The following WDFY2 variants were observed in gnomAD, a reference collection of about 807,000 sequenced individuals.
WDFY2 encodes the protein WD repeat and FYVE domain containing 2, also known as WD repeat and FYVE domain-containing protein 2.
In WDFY2, 36 loss-of-function variants were observed where a neutral mutation model predicts 56.4. The ratio of observed to expected loss-of-function variants is 0.64; its 90% CI spans 0.49 to 0.84. The LOEUF (loss-of-function observed/expected upper bound fraction) is 0.84. WDFY2 is among the 40% of genes least tolerant of loss of function. WDFY2 has a pLI of 0.00. For synonymous variants in WDFY2, 176 were observed against 183.7 expected (o/e 0.96, Z 0.34); for missense variants, 444 against 512.2 (o/e 0.87, Z 1.29).
chr13:51,593,720 A>G (rs1308333826), intron 1 of WDFY2, among the ~76,000 whole-genome samples: 1 of 151,704 alleles, frequency 6.6e-6, no homozygotes. Flanking sequence ...TCCTTTGTCC[A>G]TTTCTCCATT....
intron 6 of WDFY2, among the ~76,000 whole-genome samples, chr13:51,736,466 G>C (rs1185731210): frequency 1.3e-5 from 2 of 152,142 alleles, no homozygotes; most frequent in Admixed American, 6.6e-5. Flanking sequence ...AGAAGGCAGA[G>C]AGCTGGCTCC....
At position 51,610,421 on chromosome 13, in the gene WDFY2, T is replaced by G. The variant is rs192721727; in HGVS notation, c.137+25597T>G. On this transcript the variant is annotated intron_variant, in intron 1 of 11. Transcript: ENST00000298125. ...AATTTCCTTTATTGTATGAATTTGT[T>G]GTATGAATTTTTTTGTATGAAATTA... 3.8e-3 allele frequency among the ~76,000 whole-genome samples: 572 copies of G among 152,302 alleles called. 2 individuals carry two copies. Among genetic ancestry groups the G allele is most frequent in the Non-Finnish European group, 6.0e-3 (411 of 68,020 alleles).
intron 1 of WDFY2, among the ~76,000 whole-genome samples, chr13:51,613,791 C>T (rs866173681): frequency 6.6e-6 from 1 of 152,084 alleles, no homozygotes; most frequent in African/African-American, 2.4e-5. Context: ...GCACAGGTGA[C>T]ACCATATGTT....
chr13:51,747,375 A>G (rs1264808835), intron 7 of WDFY2, among the ~76,000 whole-genome samples: 2 of 152,250 alleles, frequency 1.3e-5, no homozygotes, highest in Non-Finnish European at 2.9e-5. Context: ...CAGTCTTCCA[A>G]TAAAACATGT....
rs181137009 is a variant in WDFY2 at position 51,745,286 on chromosome 13, G to T, written c.726-6024G>T. 4.9e-3 allele frequency among the ~76,000 whole-genome samples: 747 copies of T among 152,222 alleles called. 4 individuals are homozygous for T. Among genetic ancestry groups the T allele is most frequent in the African/African-American group, 0.014 (586 of 41,514 alleles). ...AAACCCAATTGGCTTTTAAAAAAAT[G>T]AATACATGTCAAAGATTTTATATTA... is the stretch of plus-strand genomic sequence containing the variant. On this transcript the variant is annotated intron_variant, in intron 7 of 11. Coordinates refer to ENST00000298125, the MANE Select transcript of WDFY2 (RefSeq NM_052950.4).
chr13:51,754,386 G>A (rs1353439568), intron 8 of WDFY2, among the ~76,000 whole-genome samples: 2 of 152,070 alleles, frequency 1.3e-5, no homozygotes, highest in East Asian at 1.9e-4. Flanking sequence ...CCAAGAGTGG[G>A]ATCAATTGAA....
At chr13:51,635,735 T>C (rs1219192053) in intron 1 of WDFY2, among the ~76,000 whole-genome samples, 1 of 152,184 alleles carries the variant, frequency 6.6e-6, no homozygotes, top group Non-Finnish European at 1.5e-5. Context: ...GAAAACAGGA[T>C]CTCTCTTACT....
rs527457141 is a variant in WDFY2 at position 51,609,272 on chromosome 13, G to T, written c.137+24448G>T. 2.0e-5 allele frequency among the ~76,000 whole-genome samples: 3 copies of T among 152,272 alleles called. No individual in the cohort carries two copies. In the South Asian group the frequency reaches 6.2e-4, roughly 32 times the overall value. On this transcript the variant is annotated intron_variant, in intron 1 of 11. Transcript: ENST00000298125. The stretch of plus-strand genomic sequence containing the variant: ...TCTACTGATCACAACTCCCAGGAGG[G>T]AAGCATGGTTCTGCCTTTTATTTCC...
intron 3 of WDFY2, among the ~76,000 whole-genome samples, chr13:51,676,739 G>A (rs1485357715): frequency 6.6e-6 from 1 of 152,146 alleles, no homozygotes; most frequent in Non-Finnish European, 1.5e-5. Flanking sequence ...TTCTTAGGTA[G>A]ATAGAAGTTT....
intron 2 of WDFY2, among the ~76,000 whole-genome samples, chr13:51,665,815 G>A (rs1043876160): frequency 3.3e-5 from 5 of 152,190 alleles, no homozygotes; most frequent in African/African-American, 7.2e-5. Context: ...GCCAGGGCAG[G>A]CAAATGGAAT....
intron 6 of WDFY2, among the ~76,000 whole-genome samples, chr13:51,736,173 G>A (rs940396103): frequency 6.6e-6 from 1 of 152,176 alleles, no homozygotes; most frequent in Non-Finnish European, 1.5e-5. Context: ...CATTTGTTGA[G>A]TGGTGCTTCC....
At position 51,727,872 on chromosome 13, in the gene WDFY2, T is replaced by C. The variant is rs528320135; in HGVS notation, c.598+82T>C. 3.7e-6 allele frequency: 5 copies of C among 1,336,294 alleles called. No individual in the cohort carries two copies. The South Asian group carries it at 6.4e-5, about 17-fold the overall frequency. 82.8% of individuals were successfully genotyped at this position (1,336,294 alleles called of 1,614,324 possible). On this transcript the variant is annotated intron_variant, in intron 6 of 11. Coordinates refer to ENST00000298125, the MANE Select transcript of WDFY2 (RefSeq NM_052950.4). ...GCATCTCCTGATGTTCAGATATGTT[T>C]TGAAAGTGGCAAAGTACAATCCATG...
At chr13:51,638,969 A>C (rs1031873680) in intron 1 of WDFY2, among the ~76,000 whole-genome samples, 2 of 152,118 alleles carry the variant, frequency 1.3e-5, no homozygotes. Flanking sequence ...CTTTTACCCC[A>C]CTTTCCCCAC....
At chr13:51,629,962 T>C (rs1435503749) in intron 1 of WDFY2, among the ~76,000 whole-genome samples, 3 of 152,048 alleles carry the variant, frequency 2.0e-5, no homozygotes, top group Admixed American at 6.5e-5. Context: ...TAGCAAACAT[T>C]AATATGTTTC....
chr13:51,679,977 A>G (rs765528904), intron 3 of WDFY2, among the ~76,000 whole-genome samples: 9 of 152,024 alleles, frequency 5.9e-5, no homozygotes, highest in African/African-American at 1.4e-4. Flanking sequence ...CACGCCAAAG[A>G]GCAGTGGTGC....
intron 1 of WDFY2, among the ~76,000 whole-genome samples, chr13:51,601,485 GC>G (rs965039653): frequency 2.1e-4 from 32 of 151,786 alleles, no homozygotes; most frequent in Non-Finnish European, 4.6e-4. Flanking sequence ...CGCAATCTTG[GC>G]TCACTGCAAC....
intron 2 of WDFY2, among the ~76,000 whole-genome samples, chr13:51,671,952 T>G (rs1051377586): frequency 2.0e-5 from 3 of 151,770 alleles, no homozygotes; most frequent in African/African-American, 7.3e-5. Context: ...CCCGCCTAAT[T>G]TTTGTATTTT....
chr13:51,678,421 A>T (rs1229461894), intron 3 of WDFY2, among the ~76,000 whole-genome samples: 2 of 152,252 alleles, frequency 1.3e-5, no homozygotes, highest in African/African-American at 4.8e-5. Context: ...GCACTTGCTT[A>T]AATTCTGAGA....
intron 2 of WDFY2, among the ~76,000 whole-genome samples, chr13:51,669,852 A>G (rs1015283415): frequency 6.6e-6 from 1 of 152,166 alleles, no homozygotes; most frequent in Non-Finnish European, 1.5e-5. Flanking sequence ...TCATGGGGAA[A>G]CAGTTAAAAG....
Sources: gnomAD v4.1 joint callset for allele counts (sites outside exome capture counted in the v4.1 genomes callset) on GRCh38, gnomAD v4.1.1 for gene constraint, MANE v1.5 for transcripts, NCBI Gene and HGNC (gene_info 2026-07-23, HGNC 2026-07-21) for gene names.